The following NCKAP5 variants were observed in gnomAD, a reference collection of about 807,000 sequenced individuals.
NCKAP5 encodes the protein NCK associated protein 5, also known as nck-associated protein 5.
Under a neutral mutation model 167.0 loss-of-function variants are expected in NCKAP5, and 92 were observed. The observed-to-expected ratio is 0.55, with a 90% CI of 0.47 to 0.66. NCKAP5 has a LOEUF of 0.66. Ranked by LOEUF, NCKAP5 falls within the 30% of genes least tolerant of loss-of-function variation. The pLI, the probability that NCKAP5 is intolerant of heterozygous loss-of-function variation, is 0.00. For missense variants in NCKAP5, 2,378 were observed against 2,315.0 expected (o/e 1.03, Z -0.56); for synonymous variants, 891 against 877.4 (o/e 1.02, Z -0.27).
At chr2:133,239,021 T>A (rs183057610) in intron 4 of NCKAP5, among the ~76,000 whole-genome samples, 2 of 152,318 alleles carry the variant, frequency 1.3e-5, no homozygotes, top group African/African-American at 2.4e-5. Context: ...ATCCCTAATG[T>A]TAAAACAGGA....
chr2:133,273,535 G>A (rs1176333077), intron 4 of NCKAP5, among the ~76,000 whole-genome samples: 1 of 151,894 alleles, frequency 6.6e-6, no homozygotes, highest in Admixed American at 6.6e-5. Context: ...AAGAATAGGA[G>A]GAGGAAAGGG....
chr2:133,047,434 A>T (rs1351308462), intron 6 of NCKAP5, among the ~76,000 whole-genome samples: 1 of 152,230 alleles, frequency 6.6e-6, no homozygotes, highest in Non-Finnish European at 1.5e-5. Context: ...TCTAATTTGT[A>T]TATGTCTGAA....
chr2:133,242,601 G>C (rs1348460768), intron 4 of NCKAP5, among the ~76,000 whole-genome samples: 1 of 152,096 alleles, frequency 6.6e-6, no homozygotes, highest in African/African-American at 2.4e-5. Context: ...TGCAAACTGT[G>C]GTATAGCCCT....
intron 4 of NCKAP5, among the ~76,000 whole-genome samples, chr2:133,246,442 A>G (rs912451011): frequency 1.3e-5 from 2 of 152,170 alleles, no homozygotes; most frequent in Non-Finnish European, 2.9e-5. Flanking sequence ...CTAAAAGTGA[A>G]ATAGAAAAAA....
chr2:133,094,053 G>C (rs1217855708), intron 6 of NCKAP5, among the ~76,000 whole-genome samples: 1 of 152,226 alleles, frequency 6.6e-6, no homozygotes, highest in Non-Finnish European at 1.5e-5. Flanking sequence ...AGGCACTCCA[G>C]TTGACTGAAG....
chr2:133,287,209 A>T (rs12469282), intron 4 of NCKAP5, among the ~76,000 whole-genome samples: 22,989 of 152,098 alleles, frequency 0.15, 1,742 homozygotes, highest in African/African-American at 0.17. Flanking sequence ...CCAATTCCTC[A>T]CATCATTATT....
At chr2:132,795,228 C>T (rs1684484113) in intron 12 of NCKAP5, among the ~76,000 whole-genome samples, 1 of 152,156 alleles carries the variant, frequency 6.6e-6, no homozygotes, top group Non-Finnish European at 1.5e-5. Flanking sequence ...CAAGTCAGCC[C>T]TGTGACAATG....
chr2:132,840,731 C>T (rs1162201644), intron 11 of NCKAP5, among the ~76,000 whole-genome samples: 1 of 152,116 alleles, frequency 6.6e-6, no homozygotes, highest in Non-Finnish European at 1.5e-5. Context: ...TTCTTGACTG[C>T]CAATGGCACC....
chr2:133,671,945 C>T, the NCKAP5 span, among the ~76,000 whole-genome samples: 1 of 152,140 alleles, frequency 6.6e-6, no homozygotes, highest in East Asian at 1.9e-4. Context: ...CTTAAACTAG[C>T]TGAAACAGAT....
chr2:133,099,376 A>T (rs1574026015), intron 6 of NCKAP5, among the ~76,000 whole-genome samples: 1 of 152,246 alleles, frequency 6.6e-6, no homozygotes, highest in Admixed American at 6.5e-5. Context: ...TAAGGAAGAT[A>T]AATGAGATAA....
intron 16 of NCKAP5, among the ~76,000 whole-genome samples, chr2:132,735,039 C>G (rs891469963): frequency 6.6e-6 from 1 of 152,278 alleles, no homozygotes; most frequent in Non-Finnish European, 1.5e-5. Context: ...CCACTGTCAA[C>G]ATGCCTGGCA....
intron 5 of NCKAP5, among the ~76,000 whole-genome samples, chr2:133,155,349 G>T (rs2083534099): frequency 6.6e-6 from 1 of 152,140 alleles, no homozygotes; most frequent in East Asian, 1.9e-4. Flanking sequence ...CCCCACTCCT[G>T]GCATTTCTGA....
intron 8 of NCKAP5, among the ~76,000 whole-genome samples, chr2:132,882,266 A>G (rs182129886): frequency 5.3e-4 from 81 of 152,266 alleles, no homozygotes; most frequent in Admixed American, 2.0e-3. Flanking sequence ...GGGAACTAAG[A>G]TCTGGGTGTT....
At chr2:133,214,002 A>T (rs907671338) in intron 4 of NCKAP5, among the ~76,000 whole-genome samples, 2 of 152,212 alleles carry the variant, frequency 1.3e-5, no homozygotes, top group African/African-American at 4.8e-5. Flanking sequence ...AGCCAAATAA[A>T]CGTTAAATGG....
intron 5 of NCKAP5, among the ~76,000 whole-genome samples, chr2:133,181,035 G>A (rs1037780037): frequency 9.2e-5 from 14 of 152,036 alleles, no homozygotes; most frequent in East Asian, 3.9e-4. Context: ...TTGGAACATC[G>A]GGGGAAAGAA....
chr2:133,511,654 G>A (rs1280185687), intron 3 of NCKAP5, among the ~76,000 whole-genome samples: 3 of 152,156 alleles, frequency 2.0e-5, no homozygotes, highest in Non-Finnish European at 2.9e-5. Flanking sequence ...CAGATGTCAC[G>A]CCATCTTCTG....
intron 19 of NCKAP5, among the ~76,000 whole-genome samples, chr2:132,708,039 T>A (rs1040783410): frequency 6.6e-6 from 1 of 152,090 alleles, no homozygotes; most frequent in Non-Finnish European, 1.5e-5. Flanking sequence ...CTCTGGGACC[T>A]GAAAATGCAG....
chr2:133,152,633 A>G (rs1049867964), intron 5 of NCKAP5, among the ~76,000 whole-genome samples: 2 of 152,218 alleles, frequency 1.3e-5, no homozygotes, highest in African/African-American at 4.8e-5. Flanking sequence ...TCAAGCCATG[A>G]CAAGACATGA....
intron 4 of NCKAP5, among the ~76,000 whole-genome samples, chr2:133,222,163 A>G (rs2150208878): frequency 6.6e-6 from 1 of 152,236 alleles, no homozygotes; most frequent in East Asian, 1.9e-4. Context: ...TACACTCTGC[A>G]AAAAAATTAC....
Sources: gnomAD v4.1 joint callset for allele counts (sites outside exome capture counted in the v4.1 genomes callset) on GRCh38, gnomAD v4.1.1 for gene constraint, MANE v1.5 for transcripts, NCBI Gene and HGNC (gene_info 2026-07-23, HGNC 2026-07-21) for gene names.